Variants in JMJD1C observed in about 807,000 individuals in gnomAD.
The protein encoded by JMJD1C is jumonji domain-containing protein 1C.
In JMJD1C, 31 loss-of-function variants were observed where a neutral mutation model predicts 245.3. That is an observed-to-expected ratio of 0.13 (90% CI 0.09 to 0.17). The LOEUF (loss-of-function observed/expected upper bound fraction) is 0.17, where lower values mean the gene tolerates loss of function less well. Ranked by LOEUF, JMJD1C falls within the 10% of genes least tolerant of loss-of-function variation. The pLI is 1.00. For synonymous variants in JMJD1C, 1,057 were observed against 1,017.4 expected, an observed-to-expected ratio of 1.04 and a Z score of -0.74; for missense variants, 2,691 against 3,000.2, an observed-to-expected ratio of 0.90 and a Z score of 2.41.
chr10:63,274,356 C>T (rs142673256), intron 2 of JMJD1C, among the ~76,000 whole-genome samples: 3 of 152,184 alleles, frequency 2.0e-5, no homozygotes, highest in African/African-American at 4.8e-5. Context: ...CTTGAGCCCA[C>T]GAGTTTAGAT....
chr10:63,380,980 A>G (rs1427727537), intron 1 of JMJD1C, among the ~76,000 whole-genome samples: 1 of 152,244 alleles, frequency 6.6e-6, no homozygotes, highest in African/African-American at 2.4e-5. Flanking sequence ...GTTTATTGCA[A>G]CACTATTCCT....
intron 2 of JMJD1C, among the ~76,000 whole-genome samples, chr10:63,378,214 G>A (rs1039562237): frequency 6.6e-6 from 1 of 152,040 alleles, no homozygotes; most frequent in Non-Finnish European, 1.5e-5. Flanking sequence ...TCATTAAACA[G>A]TATTTTCCAA....
At chr10:63,204,456 T>C in intron 10 of JMJD1C, 1 of 985,236 alleles carries the variant, frequency 1.0e-6, no homozygotes, top group African/African-American at 1.7e-5. Flanking sequence ...TTCACAAGAG[T>C]TTTCTAGGCA....
rs563167179 is a variant in JMJD1C, at chr10:63,370,119, C to A, written c.333+10199G>T. Among the ~76,000 whole-genome samples the A allele has an allele frequency of 2.3e-4, 35 of 152,322 alleles. No individual in the cohort carries two copies. In the East Asian group the frequency reaches 6.7e-3, roughly 29 times the overall value. Reference sequence around the variant, plus strand: ...AAAAAGATAATGCTGGACATGACTGCACAGGGAGAAGAGTCTGGACTCTAC... The same window carrying A: ...AAAAAGATAATGCTGGACATGACTGAACAGGGAGAAGAGTCTGGACTCTAC... On this transcript the variant is annotated intron_variant, in intron 2 of 25. Transcript: ENST00000399262.
chr10:63,428,213 C>A (rs879590487), intron 1 of JMJD1C, among the ~76,000 whole-genome samples: 1 of 152,162 alleles, frequency 6.6e-6, no homozygotes, highest in Non-Finnish European at 1.5e-5. Flanking sequence ...GAAACTACAT[C>A]AATCACTTTT....
intron 3 of JMJD1C, among the ~76,000 whole-genome samples, chr10:63,229,953 C>T (rs936404073): frequency 6.6e-6 from 1 of 152,144 alleles, no homozygotes; most frequent in African/African-American, 2.4e-5. Flanking sequence ...AATTAACATA[C>T]TGGTAAGCAT....
intron 2 of JMJD1C, among the ~76,000 whole-genome samples, chr10:63,342,903 A>G (rs1943499574): frequency 6.6e-6 from 1 of 152,218 alleles, no homozygotes; most frequent in African/African-American, 2.4e-5. Context: ...GGTTATGTAT[A>G]TAAGGTGTAT....
chr10:63,185,755 A>T (rs1278742008), intron 19 of JMJD1C, 102 bp from the exon 20 acceptor site: 1 of 717,618 alleles, frequency 1.4e-6, no homozygotes, highest in Non-Finnish European at 2.5e-6. Context: ...TGATTGTTGC[A>T]CATTACATGC....
chr10:63,432,919 CTGAA>C (rs1366704477), intron 1 of JMJD1C, among the ~76,000 whole-genome samples: 1 of 152,168 alleles, frequency 6.6e-6, no homozygotes, highest in Non-Finnish European at 1.5e-5. Context: ...CTAAGACTAA[CTGAA>C]TGATTTCCTT....
chr10:63,327,708 C>G (rs7899503), intron 2 of JMJD1C, among the ~76,000 whole-genome samples: 130,444 of 151,766 alleles, frequency 0.86, 56,755 homozygotes, highest in African/African-American at 0.96. Flanking sequence ...CGCTCTTGTT[C>G]CCCAGGCTGG....
intron 1 of JMJD1C, among the ~76,000 whole-genome samples, chr10:63,444,436 T>C (rs987572080): frequency 6.7e-6 from 1 of 150,006 alleles, no homozygotes; most frequent in Admixed American, 6.6e-5. Context: ...ACCACACCCA[T>C]CTAATTTTTG....
At chr10:63,486,157 A>C (rs1423075388) in intron 1 of JMJD1C, among the ~76,000 whole-genome samples, 1 of 47,332 alleles carries the variant, frequency 2.1e-5, no homozygotes. Context: ...AAAAAAAAAA[A>C]AAAAAAAAAA....
At chr10:63,425,914 A>C (rs1950412760) in intron 1 of JMJD1C, among the ~76,000 whole-genome samples, 2 of 152,254 alleles carry the variant, frequency 1.3e-5, no homozygotes, top group African/African-American at 4.8e-5. Flanking sequence ...AAGGCCAAGG[A>C]CACAGCCCTA....
intron 3 of JMJD1C, chr10:63,222,828 G>C (rs1448908629): frequency 7.0e-7 from 1 of 1,436,056 alleles, no homozygotes; most frequent in East Asian, 2.3e-5. Context: ...GATGCACCTT[G>C]GTGTGGAGTC....
At chr10:63,500,746 A>AGGATGGATGGAAGGATGGATGGAT in intron 1 of JMJD1C, among the ~76,000 whole-genome samples, 1 of 112,068 alleles carries the variant, frequency 8.9e-6, no homozygotes, top group Non-Finnish European at 2.1e-5. Flanking sequence ...GATGGATGGA[A>AGGATGGATGGAAGGATGGATGGAT]GGATGGATGG....
At chr10:63,369,389 C>A (rs560640212) in intron 2 of JMJD1C, among the ~76,000 whole-genome samples, 2 of 152,054 alleles carry the variant, frequency 1.3e-5, no homozygotes, top group African/African-American at 2.4e-5. Context: ...TGATACCCCC[C>A]ACCTCAGCCT....
chr10:63,380,564 A>G, intron 1 of JMJD1C, 82 bp from the exon 2 acceptor site: 3 of 1,043,230 alleles, frequency 2.9e-6, no homozygotes, highest in Non-Finnish European at 4.2e-6. Flanking sequence ...ATAATTGTAC[A>G]TATTTATGGG....
At chr10:63,469,027 G>A (rs1589806700), upstream of JMJD1C, among the ~76,000 whole-genome samples, 1 of 152,182 alleles carries the variant, frequency 6.6e-6, no homozygotes, top group East Asian at 1.9e-4. Flanking sequence ...GGAAGAAAAT[G>A]TATTCACTGC....
At chr10:63,181,570 G>A (rs1468036296) in intron 22 of JMJD1C, among the ~76,000 whole-genome samples, 1 of 152,116 alleles carries the variant, frequency 6.6e-6, no homozygotes, top group Admixed American at 6.5e-5. Context: ...GTTGCTTTGT[G>A]ACCACCTATA....
Sources: allele counts gnomAD v4.1 joint callset (sites outside exome capture counted in the v4.1 genomes callset), GRCh38; gene constraint gnomAD v4.1.1; transcripts MANE v1.5; gene names NCBI Gene and HGNC (gene_info 2026-07-23, HGNC 2026-07-21).